Variants in AK4 observed in about 807,000 individuals in gnomAD.
AK4 encodes the protein adenylate kinase 4, also known as adenylate kinase 4, mitochondrial.
A neutral mutation model predicts 24.6 loss-of-function variants in AK4; 13 were observed. The ratio of observed to expected loss-of-function variants is 0.53; its 90% CI spans 0.34 to 0.84. AK4 has a LOEUF of 0.84. Among genes scored for constraint, AK4 ranks in the 40% least tolerant of loss-of-function variants. The pLI, the probability that AK4 is intolerant of heterozygous loss-of-function variation, is 0.01. For synonymous variants in AK4, 88 were observed against 107.0 expected (o/e 0.82, Z 1.10); for missense variants, 192 against 288.2 (o/e 0.67, Z 2.42).
At chr1:65,168,832 T>C (rs1038287153) in intron 1 of AK4, among the ~76,000 whole-genome samples, 2 of 152,132 alleles carry the variant, frequency 1.3e-5, no homozygotes, top group Admixed American at 6.5e-5. Context: ...ATAAGATGGC[T>C]ATCTAAAATT....
chr1:65,163,331 C>T (rs1570072432), intron 1 of AK4, among the ~76,000 whole-genome samples: 2 of 152,154 alleles, frequency 1.3e-5, no homozygotes, highest in Non-Finnish European at 2.9e-5. Context: ...ATCGGGCAGC[C>T]CTCAGAATCA....
chr1:65,211,599 T>C lies in AK4; in HGVS notation c.266-7155T>C, dbSNP rs140269504. Among the ~76,000 whole-genome samples the C allele has an allele frequency of 2.8e-3, 424 of 152,344 alleles. 5 individuals are homozygous for C. Among genetic ancestry groups the C allele is most frequent in the African/African-American group, 9.8e-3 (407 of 41,574 alleles). On this transcript the variant is annotated intron_variant, in intron 2 of 4. Coordinates refer to ENST00000327299, the MANE Select transcript of AK4 (RefSeq NM_013410.4). ...GCAAGTCACTTCACTTTTCCCAGCA[T>C]TGGTTTTTACAGTTTTAAAATGGGG...
At chr1:65,179,941 C>G (rs983139583) in intron 1 of AK4, among the ~76,000 whole-genome samples, 1 of 152,190 alleles carries the variant, frequency 6.6e-6, no homozygotes, top group Non-Finnish European at 1.5e-5. Flanking sequence ...AGCATCATTC[C>G]AAGACCTTTA....
chr1:65,201,760 G>A (rs1230563798), intron 2 of AK4, among the ~76,000 whole-genome samples: 1 of 152,154 alleles, frequency 6.6e-6, no homozygotes, highest in African/African-American at 2.4e-5. Flanking sequence ...TATTAGGAAG[G>A]CTTCCTGGAG....
intron 2 of AK4, among the ~76,000 whole-genome samples, chr1:65,210,096 T>C (rs1651925536): frequency 6.6e-6 from 1 of 152,242 alleles, no homozygotes; most frequent in Admixed American, 6.5e-5. Context: ...TCTTCTCGGC[T>C]GAGTATCCAT....
At chr1:65,218,196 G>T (rs1384076646) in intron 2 of AK4, among the ~76,000 whole-genome samples, 1 of 152,200 alleles carries the variant, frequency 6.6e-6, no homozygotes, top group Non-Finnish European at 1.5e-5. Flanking sequence ...TAAAATAAAT[G>T]TATATAGTTA....
At chr1:65,178,625 C>A (rs1488873966) in intron 1 of AK4, among the ~76,000 whole-genome samples, 1 of 152,178 alleles carries the variant, frequency 6.6e-6, no homozygotes, top group Non-Finnish European at 1.5e-5. Flanking sequence ...GAGGAACACA[C>A]AAACTGAAGG....
chr1:65,223,438 C>T (rs1257364840), intron 3 of AK4, among the ~76,000 whole-genome samples: 2 of 152,040 alleles, frequency 1.3e-5, no homozygotes, highest in East Asian at 3.9e-4. Flanking sequence ...ATCCGCCCGC[C>T]TTGGCCTCCC....
intron 2 of AK4, among the ~76,000 whole-genome samples, chr1:65,216,432 G>A (rs765252868): frequency 6.6e-6 from 1 of 152,044 alleles, no homozygotes; most frequent in Non-Finnish European, 1.5e-5. Flanking sequence ...CCACTAATAC[G>A]ACATTCTTTT....
intron 1 of AK4, among the ~76,000 whole-genome samples, chr1:65,189,763 A>C (rs1557454001): frequency 6.6e-6 from 1 of 151,828 alleles, no homozygotes. Context: ...TACATATAGG[A>C]AATTAATGTT....
rs1570157795 is a variant in AK4, at chr1:65,230,461, C to T, written c.*4284C>T. ...GTCTTTGCTCAAATAATAAATACCA[C>T]ATATTTCCAAGTGTGTTCAGGTATA... On this transcript the variant is annotated 3_prime_UTR_variant, in exon 5 of 5. Transcript: ENST00000327299. 6.6e-6 allele frequency: 1 copy of T among 152,284 alleles called. No homozygotes were observed. Among genetic ancestry groups the T allele is most frequent in the Non-Finnish European group, 1.5e-5 (1 of 68,022 alleles). The allele number at this position is 152,284 out of a possible 1,614,324, so 9.4% of individuals were successfully genotyped here.
At chr1:65,173,135 A>G (rs1434914677) in intron 1 of AK4, among the ~76,000 whole-genome samples, 1 of 152,138 alleles carries the variant, frequency 6.6e-6, no homozygotes, top group Non-Finnish European at 1.5e-5. Context: ...AAGTGCTGGG[A>G]TTGCAGGCGT....
chr1:65,195,781 C>G (rs76292359), intron 2 of AK4, among the ~76,000 whole-genome samples: 2,512 of 152,260 alleles, frequency 0.016, 78 homozygotes, highest in African/African-American at 0.059. Context: ...GACTAGTGTA[C>G]AGGTCCTGAA....
rs1450978636 is a variant in AK4 at position 65,226,382 on chromosome 1, A to G, written c.*205A>G. 18 of 687,752 alleles carry G rather than the reference A, an allele frequency of 2.6e-5. No homozygotes were observed. The Admixed American group carries it at 5.1e-4, about 19-fold the overall frequency. 42.6% of individuals were successfully genotyped at this position (687,752 alleles called of 1,614,324 possible). The stretch of plus-strand genomic sequence containing the variant: ...CTTTCAAAAGGCTGGTCACCTACAC[A>G]TGTTTAAGGTGTCTCTGCACATGTC... On this transcript the variant is annotated 3_prime_UTR_variant, in exon 5 of 5. Transcript: ENST00000327299.
intron 1 of AK4, among the ~76,000 whole-genome samples, chr1:65,150,267 CTCTT>C (rs903542634): frequency 1.4e-4 from 17 of 122,614 alleles, no homozygotes; most frequent in African/African-American, 6.8e-4. Flanking sequence ...CCCTTGTTCT[CTCTT>C]TCTCTCTCTC....
chr1:65,226,147 C>T lies in AK4; in HGVS notation c.642C>T (p.Ile214=), dbSNP rs1348248007. The change falls in exon 5 of 5, where the codon ATC becomes ATT. Residue 214 remains isoleucine, a synonymous_variant. Transcript: ENST00000327299. Reference sequence around the variant, plus strand: ...TTTACACACTTTTCTCAAACAAGATCACACCTATTCAGTCCAAAGAAGCAT... The same window carrying T: ...TTTACACACTTTTCTCAAACAAGATTACACCTATTCAGTCCAAAGAAGCAT... ...PYVYTLFSNK[I]TPIQSKEAY The T allele has an allele frequency of 2.5e-6, 4 of 1,610,056 alleles. No individual in the cohort carries two copies. The Admixed American group carries it at 5.0e-5, about 20-fold the overall frequency.
At chr1:65,152,360 C>CTCTCTCTATATA (rs1277948363) in intron 1 of AK4, among the ~76,000 whole-genome samples, 8 of 27,954 alleles carry the variant, frequency 2.9e-4, no homozygotes, top group African/African-American at 6.7e-4. Flanking sequence ...CTCTCTCTCT[C>CTCTCTCTATATA]TATATATATA....
intron 2 of AK4, among the ~76,000 whole-genome samples, chr1:65,216,973 T>A (rs1383648603): frequency 6.6e-6 from 1 of 152,198 alleles, no homozygotes; most frequent in Admixed American, 6.5e-5. Context: ...AGTGTTGAGA[T>A]TACAGGTGTG....
chr1:65,172,103 A>ATATATATATATATATT lies in AK4; in HGVS notation c.146-18606_146-18605insATATATATATATATTT, dbSNP rs1553122938. Among the ~76,000 whole-genome samples, 87 of 115,484 alleles carry ATATATATATATATATT rather than the reference A, an allele frequency of 7.5e-4. 2 individuals are homozygous for ATATATATATATATATT. The highest frequency in any genetic ancestry group is 4.0e-3 in the East Asian group (13 of 3,286). 75.8% of individuals were successfully genotyped at this position (115,484 alleles called of 152,430 possible). On this transcript the variant is annotated intron_variant, in intron 1 of 4. Coordinates refer to ENST00000327299, the MANE Select transcript of AK4 (RefSeq NM_013410.4). ...TATATATATATATATATATATATAT[A>ATATATATATATATATT]TTTAAACTCATTACACTTCCCAAAT... is the stretch of plus-strand genomic sequence containing the variant.
Sources: allele counts gnomAD v4.1 joint callset (sites outside exome capture counted in the v4.1 genomes callset), GRCh38; gene constraint gnomAD v4.1.1; transcripts MANE v1.5; gene names NCBI Gene and HGNC (gene_info 2026-07-23, HGNC 2026-07-21).